DNAH14: variants seen among roughly 807,000 people sequenced by gnomAD.
DNAH14 encodes dynein axonemal heavy chain 14.
DNAH14 carries 478 observed loss-of-function variants against 520.9 expected under a neutral mutation model. The ratio of observed to expected loss-of-function variants is 0.92; its 90% confidence interval spans 0.85 to 0.99. The LOEUF (loss-of-function observed/expected upper bound fraction) is 0.99, where lower values mean the gene tolerates loss of function less well. Ranked by LOEUF, DNAH14 falls within the 50% of genes least tolerant of loss-of-function variation. The pLI, the probability that DNAH14 is intolerant of heterozygous loss-of-function variation, is 0.00. For missense variants in DNAH14, 4,831 were observed against 5,234.5 expected, an observed-to-expected ratio of 0.92 and a Z score of 2.38; for synonymous variants, 1,581 against 1,757.2, an observed-to-expected ratio of 0.90 and a Z score of 2.51.
At chr1:225,378,980 C>T (rs1458263426) in intron 79 of DNAH14, among the ~76,000 whole-genome samples, 1 of 152,054 alleles carries the variant, frequency 6.6e-6, no homozygotes, top group African/African-American at 2.4e-5. Context: ...CATCCACTAA[C>T]TGTCTAAGGA....
At chr1:225,163,972 T>A (rs1468417446) in intron 35 of DNAH14, among the ~76,000 whole-genome samples, 4 of 152,164 alleles carry the variant, frequency 2.6e-5, no homozygotes, top group Non-Finnish European at 5.9e-5. Flanking sequence ...AAATGGTCTT[T>A]TTTTAGTGTT....
chr1:225,080,727 A>T lies in DNAH14; in HGVS notation c.3115A>T (p.Ile1039Leu). The T allele has an allele frequency of 6.5e-7, 1 of 1,527,080 alleles. No individual in the cohort carries two copies. The highest frequency in any genetic ancestry group is 8.8e-7 in the Non-Finnish European group (1 of 1,135,714). The allele number at this position is 1,527,080 out of a possible 1,614,324, so 94.6% of individuals were successfully genotyped here. Residue 1039 changes from isoleucine to leucine, a missense_variant, in exon 19 of 86, where the codon ATA (isoleucine) becomes TTA (leucine). By Grantham distance (5) the Ile-to-Leu change is conservative (BLOSUM62 2). Coordinates refer to ENST00000682510, the MANE Select transcript of DNAH14 (RefSeq NM_001367479.1). ...GAGAAATGTTTCAAAACTGATGCAC[A>T]TAATCTCGGTACTAGAAAAAGGTAA... The part of the protein sequence containing the change: ...VQRNVSKLMH[I>L]ISVLEKGLPK...
intron 75 of DNAH14, among the ~76,000 whole-genome samples, chr1:225,364,531 A>C (rs1185515385): frequency 6.6e-6 from 1 of 152,082 alleles, no homozygotes; most frequent in Non-Finnish European, 1.5e-5. Context: ...TTTGTTCTTA[A>C]TTTGTAATTA....
chr1:225,023,560 G>A, intron 10 of DNAH14, 55 bp from the exon 11 acceptor site: 1 of 1,369,300 alleles, frequency 7.3e-7, no homozygotes, highest in Non-Finnish European at 9.7e-7. Context: ...TAGAAATCAT[G>A]CTATATTAAC....
At chr1:225,388,283 T>C (rs2095864745) in intron 81 of DNAH14, 96 bp from the exon 82 acceptor site, 1 of 616,734 alleles carries the variant, frequency 1.6e-6, no homozygotes, top group African/African-American at 1.8e-5. Flanking sequence ...TATTTCTCCC[T>C]GGCAATTGAG....
intron 60 of DNAH14, among the ~76,000 whole-genome samples, chr1:225,315,723 G>A (rs1008196304): frequency 1.3e-5 from 2 of 152,198 alleles, no homozygotes; most frequent in African/African-American, 2.4e-5. Context: ...ATTTGCTGGG[G>A]ATCCACTCCA....
intron 83 of DNAH14, among the ~76,000 whole-genome samples, chr1:225,391,324 T>C (rs985930905): frequency 6.6e-5 from 10 of 151,998 alleles, no homozygotes; most frequent in Non-Finnish European, 1.5e-4. Context: ...GTCTGCAAAT[T>C]AGCCAGGTGT....
chr1:225,335,256 G>A lies in DNAH14; in HGVS notation c.10080+1750G>A, dbSNP rs570725135. 1.1e-4 allele frequency among the ~76,000 whole-genome samples: 15 copies of A among 132,502 alleles called. No individual in the cohort carries two copies. The South Asian group carries it at 1.5e-3, about 13-fold the overall frequency. 86.9% of individuals were successfully genotyped at this position (132,502 alleles called of 152,430 possible). ...ACACATGTGTACATTGTGTGTATAT[G>A]CACATATACACGTGTACATTGTGTG... is the stretch of plus-strand genomic sequence containing the variant. On this transcript the variant is annotated intron_variant, in intron 66 of 85. Transcript: ENST00000682510.
intron 55 of DNAH14, 78 bp from the exon 56 acceptor site, chr1:225,300,791 G>C (rs758638706): frequency 7.8e-6 from 11 of 1,401,554 alleles, no homozygotes; most frequent in East Asian, 2.6e-5. Context: ...TTGCTTTCTT[G>C]CTTCCTCAAA....
At chr1:225,205,539 G>A (rs899384302) in intron 39 of DNAH14, among the ~76,000 whole-genome samples, 1 of 152,116 alleles carries the variant, frequency 6.6e-6, no homozygotes, top group African/African-American at 2.4e-5. Context: ...GGAGTAAATG[G>A]GTTCCAAATA....
chr1:225,376,004 C>T (rs571060087), intron 78 of DNAH14, among the ~76,000 whole-genome samples: 1 of 152,090 alleles, frequency 6.6e-6, no homozygotes, highest in African/African-American at 2.4e-5. Flanking sequence ...CCGAGAATCA[C>T]CCGAACCCAG....
chr1:224,929,748 C>G lies in DNAH14; in HGVS notation c.-121C>G, dbSNP rs943961676. The G allele has an allele frequency of 1.4e-6, 1 of 702,258 alleles. No homozygotes were observed. Among genetic ancestry groups the G allele is most frequent in the Non-Finnish European group, 2.6e-6 (1 of 384,732 alleles). 43.5% of individuals were successfully genotyped at this position (702,258 alleles called of 1,614,324 possible). A position where few individuals can be genotyped will look rare whatever the true frequency, so the allele number is the denominator to read the frequency against. On this transcript the variant is annotated 5_prime_UTR_variant, in exon 1 of 86. Coordinates refer to ENST00000682510, the MANE Select transcript of DNAH14 (RefSeq NM_001367479.1). ...GTGCTGCGCGGTCCTTCCCATTCACCCTAGTCTGGCGCTCGCCGGCGTGGG... is the reference window on the plus strand; with the variant it reads ...GTGCTGCGCGGTCCTTCCCATTCACGCTAGTCTGGCGCTCGCCGGCGTGGG...
chr1:225,142,341 G>A (rs2149033136), intron 28 of DNAH14, among the ~76,000 whole-genome samples: 1 of 152,204 alleles, frequency 6.6e-6, no homozygotes, highest in South Asian at 2.1e-4. Context: ...ATTCACAAGG[G>A]CACTGCAAGA....
intron 41 of DNAH14, among the ~76,000 whole-genome samples, chr1:225,223,226 A>G (rs978082296): frequency 6.6e-6 from 1 of 152,212 alleles, no homozygotes; most frequent in African/African-American, 2.4e-5. Context: ...TCGACAAAAC[A>G]ATCAGGTATA....
At chr1:225,125,546 A>G (rs1181549459) in intron 27 of DNAH14, among the ~76,000 whole-genome samples, 1 of 152,206 alleles carries the variant, frequency 6.6e-6, no homozygotes, top group African/African-American at 2.4e-5. Flanking sequence ...TTTCTTCTGC[A>G]GCATTCCTTA....
At chr1:225,119,394 C>CT in intron 26 of DNAH14, 100 bp downstream of exon 26, 2 of 754,514 alleles carry the variant, frequency 2.7e-6, no homozygotes, top group South Asian at 7.7e-5. Flanking sequence ...ATCTACTAAT[C>CT]TAAGTGAGAA....
chr1:224,939,994 A>G (rs1183946093), intron 1 of DNAH14, among the ~76,000 whole-genome samples: 1 of 152,118 alleles, frequency 6.6e-6, no homozygotes, highest in Non-Finnish European at 1.5e-5. Flanking sequence ...ATCAACAACA[A>G]TTTACTCTCT....
intron 37 of DNAH14, among the ~76,000 whole-genome samples, chr1:225,186,973 C>A (rs1205137586): frequency 6.6e-6 from 1 of 151,686 alleles, no homozygotes; most frequent in African/African-American, 2.4e-5. Flanking sequence ...CTGTTCAAGA[C>A]CTTCTCTTTA....
chr1:225,010,863 A>G (rs531283129), intron 10 of DNAH14, among the ~76,000 whole-genome samples: 2 of 151,060 alleles, frequency 1.3e-5, no homozygotes, highest in South Asian at 2.1e-4. Flanking sequence ...TTTCCTCTAG[A>G]TTTTCTATTT....
Sources: allele counts gnomAD v4.1 joint callset (sites outside exome capture counted in the v4.1 genomes callset), GRCh38; gene constraint gnomAD v4.1.1; transcripts MANE v1.5; gene names NCBI Gene and HGNC (gene_info 2026-07-23, HGNC 2026-07-21).